Variants in ANK3 observed in about 807,000 individuals in gnomAD.
ANK3 encodes ankyrin 3, also known as ankyrin-3.
ANK3 carries 57 observed loss-of-function variants against 370.9 expected under a neutral mutation model. The observed-to-expected ratio is 0.15, with a 90% CI of 0.12 to 0.19. The LOEUF (loss-of-function observed/expected upper bound fraction) is 0.19. Ranked by LOEUF, ANK3 falls within the 10% of genes least tolerant of loss-of-function variation. ANK3 has a pLI of 1.00. For missense variants in ANK3, 4,439 were observed against 5,302.1 expected, an observed-to-expected ratio of 0.84 and a Z score of 5.06; for synonymous variants, 1,929 against 1,946.3, an observed-to-expected ratio of 0.99 and a Z score of 0.23.
At chr10:60,065,748 A>G (rs1409067516) in intron 38 of ANK3, among the ~76,000 whole-genome samples, 1 of 152,216 alleles carries the variant, frequency 6.6e-6, no homozygotes, top group African/African-American at 2.4e-5. Flanking sequence ...ATTTAGCCTT[A>G]ATACACTTAA....
At chr10:60,593,944 A>G (rs1001981915) in intron 2 of ANK3, among the ~76,000 whole-genome samples, 5 of 152,246 alleles carry the variant, frequency 3.3e-5, no homozygotes, top group African/African-American at 1.2e-4. Context: ...TGGAACCAAT[A>G]TCTATTTTCC....
chr10:60,633,320 C>A (rs7088404), intron 1 of ANK3, among the ~76,000 whole-genome samples: 102,823 of 151,946 alleles, frequency 0.68, 34,927 homozygotes, highest in South Asian at 0.82. Flanking sequence ...AAGACTGAAA[C>A]AAAAATGTAA....
At chr10:60,117,368 G>C (rs2093168160) in intron 25 of ANK3, among the ~76,000 whole-genome samples, 1 of 152,144 alleles carries the variant, frequency 6.6e-6, no homozygotes, top group Non-Finnish European at 1.5e-5. Flanking sequence ...AGCGAGATGA[G>C]GTAAGTAGAC....
At chr10:60,162,478 T>C (rs2095523477) in intron 23 of ANK3, among the ~76,000 whole-genome samples, 1 of 152,194 alleles carries the variant, frequency 6.6e-6, no homozygotes, top group Admixed American at 6.5e-5. Context: ...TTCAGTTCTT[T>C]GAAATCGGTG....
intron 1 of ANK3, among the ~76,000 whole-genome samples, chr10:60,701,877 T>C (rs1195079916): frequency 6.6e-6 from 1 of 152,028 alleles, no homozygotes; most frequent in African/African-American, 2.4e-5. Flanking sequence ...GCTCTAAAAA[T>C]GGTTAATTAA....
intron 2 of ANK3, among the ~76,000 whole-genome samples, chr10:60,450,073 A>C (rs1235377093): frequency 6.6e-6 from 1 of 152,092 alleles, no homozygotes; most frequent in African/African-American, 2.4e-5. Context: ...AAGGCAGAAG[A>C]ATTGCTTGAG....
Position 60,059,449 on chromosome 10 carries a change from C to G in ANK3, c.12596-19G>C. 1.2e-6 allele frequency: 2 copies of G among 1,602,850 alleles called. No homozygotes were observed. Among genetic ancestry groups the G allele is most frequent in the Non-Finnish European group, 1.7e-6 (2 of 1,169,858 alleles). On this transcript the variant is annotated intron_variant, in intron 40 of 43. Transcript: ENST00000280772. ...TGCCAACCTGTAATTGAAGACATTT[C>G]CAGTTCTGCTTGCTGAACACGCTTA...
Position 60,076,194 on chromosome 10 carries a change from A to G in ANK3, c.4687T>C (p.Ser1563Pro). The change falls in exon 37 of 44, where the codon TCC (serine) becomes CCC (proline). Residue 1563 changes from serine (S) to proline (P), a missense_variant. Transcript: ENST00000280772. The part of the protein sequence containing the change: ...LGASTTSSVK[S>P]ISDVASPIRS... ...ATTGGAGATGCCACGTCACTAATGG[A>G]TTTAACTGAAGATGTAGTTGACGCG... The G allele has an allele frequency of 6.2e-7, 1 of 1,614,168 alleles. No individual in the cohort carries two copies. Among genetic ancestry groups the G allele is most frequent in the Non-Finnish European group, 8.5e-7 (1 of 1,179,984 alleles).
chr10:60,416,785 C>A (rs559083120), intron 2 of ANK3, among the ~76,000 whole-genome samples: 19 of 152,296 alleles, frequency 1.2e-4, no homozygotes, highest in Admixed American at 5.9e-4. Context: ...ATTTTTATCA[C>A]CACTCAGACT....
At chr10:60,456,826 A>G (rs975037822) in intron 2 of ANK3, among the ~76,000 whole-genome samples, 9 of 152,136 alleles carry the variant, frequency 5.9e-5, no homozygotes, top group African/African-American at 2.2e-4. Context: ...AATCTCCAAC[A>G]CTAGATTTTT....
At chr10:60,456,144 C>T (rs535555029) in intron 2 of ANK3, among the ~76,000 whole-genome samples, 8 of 152,288 alleles carry the variant, frequency 5.3e-5, no homozygotes, top group South Asian at 2.1e-4. Flanking sequence ...AGATACCTGC[C>T]GTGGGGTTTT....
intron 16 of ANK3, among the ~76,000 whole-genome samples, chr10:60,192,171 C>T (rs969167858): frequency 5.3e-5 from 8 of 152,026 alleles, no homozygotes; most frequent in Admixed American, 5.2e-4. Flanking sequence ...GGATTACAGG[C>T]GTGAGCCACC....
intron 12 of ANK3, among the ~76,000 whole-genome samples, chr10:60,202,522 G>A (rs957907007): frequency 3.3e-5 from 5 of 152,224 alleles, no homozygotes; most frequent in South Asian, 2.1e-4. Flanking sequence ...ACTAGAGACC[G>A]AGTGTATCTT....
At chr10:60,101,362 AAC>A in intron 28 of ANK3, among the ~76,000 whole-genome samples, 1 of 152,264 alleles carries the variant, frequency 6.6e-6, no homozygotes, top group South Asian at 2.1e-4. Context: ...CAAACTACAA[AAC>A]ACTCTTTGGG....
chr10:60,386,538 CTT>C (rs921113546), intron 1 of ANK3, among the ~76,000 whole-genome samples: 5 of 141,352 alleles, frequency 3.5e-5, no homozygotes, highest in Admixed American at 7.1e-5. Context: ...TTCTGTACTG[CTT>C]TTTTTTTTTT....
chr10:60,269,280 A>G (rs1229507036), intron 5 of ANK3, among the ~76,000 whole-genome samples: 1 of 152,238 alleles, frequency 6.6e-6, no homozygotes, highest in Non-Finnish European at 1.5e-5. Flanking sequence ...TCTATTTTTA[A>G]ATAATTATTC....
chr10:60,489,254 C>A (rs1201105857), intron 2 of ANK3, among the ~76,000 whole-genome samples: 1 of 152,172 alleles, frequency 6.6e-6, no homozygotes, highest in African/African-American at 2.4e-5. Flanking sequence ...TTCCAAAATA[C>A]CAACCCTGAA....
chr10:60,676,590 TATAGTC>T (rs1248133162), intron 1 of ANK3, among the ~76,000 whole-genome samples: 1 of 152,148 alleles, frequency 6.6e-6, no homozygotes, highest in Non-Finnish European at 1.5e-5. Context: ...CAGAGTAAAA[TATAGTC>T]ATAGGACTCA....
At chr10:60,276,924 G>A (rs902364604) in intron 4 of ANK3, among the ~76,000 whole-genome samples, 2 of 152,190 alleles carry the variant, frequency 1.3e-5, no homozygotes, top group East Asian at 3.8e-4. Context: ...TGCTTCTATT[G>A]TAGTAAGCTG....
Sources: allele counts gnomAD v4.1 joint callset (sites outside exome capture counted in the v4.1 genomes callset), GRCh38; gene constraint gnomAD v4.1.1; transcripts MANE v1.5; gene names NCBI Gene and HGNC (gene_info 2026-07-23, HGNC 2026-07-21).